Variants in XPO5 observed in about 807,000 individuals in gnomAD.
XPO5 encodes the protein exportin-5.
Under a neutral mutation model 160.6 loss-of-function variants are expected in XPO5, and 46 were observed. The ratio of observed to expected loss-of-function variants is 0.29; its 90% confidence interval spans 0.23 to 0.37. The LOEUF is 0.37. Among genes scored for constraint, XPO5 ranks in the 10% least tolerant of loss-of-function variants. The pLI is 1.00. For missense variants in XPO5, 1,090 were observed against 1,463.9 expected (o/e 0.74, Z 4.17); for synonymous variants, 537 against 519.3 (o/e 1.03, Z -0.46).
At chr6:43,531,382 C>G in intron 22 of XPO5, 97 bp downstream of exon 22, 1 of 1,122,124 alleles carries the variant, frequency 8.9e-7, no homozygotes, top group Non-Finnish European at 1.3e-6. Context: ...TCTTGCCTCG[C>G]CTTACCTGTA....
chr6:43,553,746 T>A, intron 13 of XPO5: 1 of 651,678 alleles, frequency 1.5e-6, no homozygotes, highest in Non-Finnish European at 2.2e-6. Flanking sequence ...ATGAGCGGTC[T>A]GAATTCACCT....
chr6:43,531,675 T>A, intron 21 of XPO5, 100 bp from the exon 22 acceptor site: 1 of 990,166 alleles, frequency 1.0e-6, no homozygotes, highest in Non-Finnish European at 1.6e-6. Context: ...GGTGAAGATG[T>A]GTGCATGTCT....
chr6:43,556,161 G>T (rs2127739132), intron 12 of XPO5, 197 bp from the exon 13 acceptor site: 2 of 624,042 alleles, frequency 3.2e-6, no homozygotes, highest in Non-Finnish European at 5.1e-6. Context: ...ATGATCTCTG[G>T]AAACTGTATT....
chr6:43,563,960 T>C (rs1327313985), intron 8 of XPO5, among the ~76,000 whole-genome samples: 1 of 152,186 alleles, frequency 6.6e-6, no homozygotes, highest in Non-Finnish European at 1.5e-5. Context: ...TCTCACTCTG[T>C]TGCCTAAGCT....
chr6:43,522,619 TC>T lies in XPO5; in HGVS notation c.*1248del. 2.5e-6 allele frequency: 1 copy of T among 396,414 alleles called. No homozygotes were observed. The highest frequency in any genetic ancestry group is 5.6e-6 in the Non-Finnish European group (1 of 179,868). 24.6% of individuals were successfully genotyped at this position (396,414 alleles called of 1,614,324 possible). ...CAACACAAGACTCCCAACTTCTGCT[TC>T]CCCAGCTTTGCTTCTTCTCAATCTG... On this transcript the variant is annotated 3_prime_UTR_variant, in exon 32 of 32. Transcript: ENST00000265351.
intron 3 of XPO5, 100 bp downstream of exon 3, chr6:43,572,403 ACCT>A (rs1320512519): frequency 1.8e-6 from 2 of 1,106,702 alleles, no homozygotes; most frequent in Admixed American, 1.8e-5. Flanking sequence ...GTGCTGTCTG[ACCT>A]ATTTAGAAGC....
chr6:43,559,412 G>A (rs935079462), intron 11 of XPO5, among the ~76,000 whole-genome samples: 26 of 152,204 alleles, frequency 1.7e-4, no homozygotes, highest in African/African-American at 6.0e-4. Context: ...TTAACAATCT[G>A]TCAACTGCAA....
Position 43,522,989 on chromosome 6 carries a change from A to AC in XPO5, c.*878_*879insG, listed in dbSNP as rs1171845999. On this transcript the variant is annotated 3_prime_UTR_variant, in exon 32 of 32. Coordinates refer to ENST00000265351, the MANE Select transcript of XPO5 (RefSeq NM_020750.3). ...GAGATTGTGGAAGGCACCTGGACTT[A>AC]GTCCTAGGAGAAGACCAGCGGCTTT... is the stretch of plus-strand genomic sequence containing the variant. The AC allele has an allele frequency of 5.9e-6, 1 of 168,584 alleles. No homozygotes were observed. Among genetic ancestry groups the AC allele is most frequent in the African/African-American group, 2.4e-5 (1 of 41,906 alleles). 10.4% of individuals were successfully genotyped at this position (168,584 alleles called of 1,614,324 possible).
intron 11 of XPO5, chr6:43,558,830 G>A: frequency 2.6e-6 from 1 of 391,882 alleles, no homozygotes; most frequent in Non-Finnish European, 4.5e-6. Context: ...AGTTCCTCAG[G>A]GAGAATTAAA....
chr6:43,571,127 T>C, intron 3 of XPO5, 133 bp from the exon 4 acceptor site: 1 of 903,102 alleles, frequency 1.1e-6, no homozygotes, highest in East Asian at 2.5e-5. Flanking sequence ...AATGAACCTG[T>C]TCTTCAGCCT....
In XPO5 at chr6:43,562,236, C is replaced by T; in HGVS notation, c.1011+11G>A. ...GGCTTGAAGCTCTCCAGAAAGCAAA[C>T]ACTAGCTCACCAGCAATGCACACAG... On this transcript the variant is annotated intron_variant, in intron 9 of 31. Transcript: ENST00000265351. 7 of 1,596,966 alleles carry T rather than the reference C, an allele frequency of 4.4e-6. No homozygotes were observed. Among genetic ancestry groups the T allele is most frequent in the Non-Finnish European group, 6.0e-6 (7 of 1,171,764 alleles).
intron 5 of XPO5, among the ~76,000 whole-genome samples, chr6:43,570,082 G>A (rs1336851141): frequency 6.8e-6 from 1 of 148,102 alleles, no homozygotes; most frequent in Non-Finnish European, 1.5e-5. Context: ...ACTTTGGGAG[G>A]CGGGCGGATC....
Position 43,525,185 on chromosome 6 carries a change from G to A in XPO5, c.3096C>T (p.Ala1032=). ...EDVCTALLIT[A]FNSLAWKDTL... ...TATCTTTCCAGGCCAGGGAATTGAA[G>A]GCTGTAATTAATAGCGCTGTACAAA... Residue 1032 remains alanine (A), a synonymous_variant, in exon 29 of 32, where the codon GCC becomes GCT. Coordinates refer to ENST00000265351, the MANE Select transcript of XPO5 (RefSeq NM_020750.3). 2 of 1,582,522 alleles carry A rather than the reference G, an allele frequency of 1.3e-6. No homozygotes were observed. The highest frequency in any genetic ancestry group is 1.7e-6 in the Non-Finnish European group (2 of 1,163,516).
At chr6:43,573,751 G>T in intron 1 of XPO5, 150 bp from the exon 2 acceptor site, 1 of 843,766 alleles carries the variant, frequency 1.2e-6, no homozygotes, top group Non-Finnish European at 1.7e-6. Context: ...GACTACTTGA[G>T]TCTAGGAGTC....
chr6:43,572,385 G>C lies in XPO5; in HGVS notation c.300+121C>G, dbSNP rs188335915. ...AGTCACTGTGCCTGGCCTAAATTAT[G>C]ATTTCTTGTGCTGTCTGACCTATTT... On this transcript the variant is annotated intron_variant, in intron 3 of 31. Transcript: ENST00000265351. 9 of 963,330 alleles carry C rather than the reference G, an allele frequency of 9.3e-6. No homozygotes were observed. The East Asian group carries it at 2.2e-4, about 24-fold the overall frequency. 59.7% of individuals were successfully genotyped at this position (963,330 alleles called of 1,614,324 possible).
intron 2 of XPO5, 176 bp downstream of exon 2, chr6:43,573,304 G>C (rs1763106196): frequency 1.2e-6 from 1 of 819,740 alleles, no homozygotes; most frequent in Non-Finnish European, 1.8e-6. Context: ...CTGAAGAAAA[G>C]AAAGGTTAAA....
Position 43,570,874 on chromosome 6 carries a change from T to C in XPO5, c.421A>G (p.Thr141Ala), listed in dbSNP as rs1033818425. 8.1e-6 allele frequency: 13 copies of C among 1,610,860 alleles called. No individual in the cohort carries two copies. The highest frequency in any genetic ancestry group is 1.1e-5 in the Non-Finnish European group (13 of 1,179,134). Residue 141 changes from threonine to alanine, a missense_variant, in exon 4 of 32, where the codon ACT becomes GCT. By Grantham distance (58) the Thr-to-Ala change is moderately conservative (BLOSUM62 0). This residue lies in a region of XPO5 where 170 missense variants were observed against 227.0 expected (regional missense o/e 0.75). Transcript: ENST00000265351. The stretch of plus-strand genomic sequence containing the variant: ...TTTCATACCCCTTGTTTGGAAAGAG[T>C]GTCCAATTCTATTAGCATGTCAGGC... ...HWPDMLIELD[T>A]LSKQGETQTE...
intron 20 of XPO5, among the ~76,000 whole-genome samples, chr6:43,537,547 C>G (rs138117892): frequency 6.6e-6 from 1 of 152,228 alleles, no homozygotes; most frequent in African/African-American, 2.4e-5. Flanking sequence ...AAATGAATGG[C>G]CAAGGTATGT....
Position 43,524,594 on chromosome 6 carries a change from G to A in XPO5, c.3354C>T (p.Ile1118=). ...CCAGTGAGTCCTTCTGTATTTCAGG[G>A]ATTTGCTCCATTACAGCTCTTATCT... is the stretch of plus-strand genomic sequence containing the variant. ...YLEIRAVMEQ[I]PEIQKDSLDQ... The change falls in exon 31 of 32, where the codon ATC becomes ATT. Residue 1118 remains isoleucine (I), a synonymous_variant. Transcript: ENST00000265351. 1.2e-6 allele frequency: 2 copies of A among 1,613,952 alleles called. No homozygotes were observed. The highest frequency in any genetic ancestry group is 1.7e-6 in the Non-Finnish European group (2 of 1,179,886).
Sources: allele counts gnomAD v4.1 joint callset (sites outside exome capture counted in the v4.1 genomes callset), GRCh38; gene constraint gnomAD v4.1.1; regional missense constraint gnomAD v4.1.1; transcripts MANE v1.5; gene names NCBI Gene and HGNC (gene_info 2026-07-23, HGNC 2026-07-21).